SPECC1: variants seen among roughly 807,000 people sequenced by gnomAD.
SPECC1 encodes the protein cytospin-B.
A neutral mutation model predicts 104.1 loss-of-function variants in SPECC1; 62 were observed. The ratio of observed to expected loss-of-function variants is 0.60; its 90% CI spans 0.49 to 0.74. The LOEUF (loss-of-function observed/expected upper bound fraction) is 0.74. SPECC1 is among the 30% of genes least tolerant of loss of function. SPECC1 has a pLI of 0.00. For synonymous variants in SPECC1, 513 were observed against 501.6 expected, an observed-to-expected ratio of 1.02 and a Z score of -0.30; for missense variants, 1,306 against 1,310.5, an observed-to-expected ratio of 1.00 and a Z score of 0.05.
chr17:20,157,478 AATAAT>A (rs1378301034), intron 3 of SPECC1, among the ~76,000 whole-genome samples: 1 of 152,220 alleles, frequency 6.6e-6, no homozygotes, highest in African/African-American at 2.4e-5. Flanking sequence ...ATAAAATAAA[AATAAT>A]ATACTTGTTA....
At chr17:20,298,965 G>GTC (rs2041461061) in intron 13 of SPECC1, among the ~76,000 whole-genome samples, 1 of 90,840 alleles carries the variant, frequency 1.1e-5, no homozygotes, top group Non-Finnish European at 2.2e-5. Context: ...GTGTGTGTGT[G>GTC]TGTGTGTATG....
intron 1 of SPECC1, among the ~76,000 whole-genome samples, chr17:20,061,921 A>G (rs1027351798): frequency 4.6e-5 from 7 of 151,894 alleles, no homozygotes; most frequent in African/African-American, 1.7e-4. Flanking sequence ...TTTCTTACCT[A>G]TTATGTTTCA....
chr17:20,056,932 T>A (rs978326418), intron 1 of SPECC1, among the ~76,000 whole-genome samples: 1 of 152,162 alleles, frequency 6.6e-6, no homozygotes, highest in African/African-American at 2.4e-5. Flanking sequence ...CCAGAGCCCT[T>A]CCATTTCTTT....
intron 3 of SPECC1, among the ~76,000 whole-genome samples, chr17:20,163,762 T>A (rs1026200240): frequency 6.6e-6 from 1 of 152,158 alleles, no homozygotes; most frequent in Admixed American, 6.6e-5. Flanking sequence ...GGTCTTGCTA[T>A]ATTGCCCTGG....
intron 14 of SPECC1, among the ~76,000 whole-genome samples, chr17:20,312,337 C>T (rs2041954974): frequency 7.3e-6 from 1 of 136,178 alleles, no homozygotes; most frequent in Admixed American, 7.3e-5. Flanking sequence ...AAATGTATAA[C>T]ATCTTTTCAC....
At chr17:20,020,333 T>A (rs918315072) in intron 1 of SPECC1, among the ~76,000 whole-genome samples, 4 of 152,026 alleles carry the variant, frequency 2.6e-5, no homozygotes, top group Non-Finnish European at 5.9e-5. Context: ...TTCTCTGTTT[T>A]TTTATTTTTT....
chr17:20,259,526 G>A (rs1598098981), intron 11 of SPECC1, among the ~76,000 whole-genome samples: 2 of 152,060 alleles, frequency 1.3e-5, no homozygotes, highest in Admixed American at 1.3e-4. Context: ...ATTTTTTGGA[G>A]ATGGGGTCTT....
chr17:20,103,337 C>CTTAGTGCTGTCCTCAG (rs1399506770), intron 2 of SPECC1, among the ~76,000 whole-genome samples: 1 of 152,198 alleles, frequency 6.6e-6, no homozygotes, highest in Non-Finnish European at 1.5e-5. Context: ...TTCTCTGCAG[C>CTTAGTGCTGTCCTCAG]TTAGTGCTGT....
At chr17:20,309,903 C>T (rs1176169142) in intron 14 of SPECC1, among the ~76,000 whole-genome samples, 6 of 149,858 alleles carry the variant, frequency 4.0e-5, no homozygotes, top group East Asian at 4.0e-4. Flanking sequence ...CTGCAACCTC[C>T]GACTTCCGGG....
In SPECC1 at chr17:20,313,954, C is replaced by G. The variant is rs769265788; in HGVS notation, c.3118-22C>G. The G allele has an allele frequency of 8.7e-6, 14 of 1,610,626 alleles. No homozygotes were observed. The African/African-American group carries it at 1.6e-4, about 18-fold the overall frequency. ...TGTGATGTCCTGCCTTGTGATCTGT[C>G]CCCCATTCCCTTCCCCTGCAGGAAC... On this transcript the variant is annotated intron_variant, in intron 14 of 14. Transcript: ENST00000395527.
chr17:20,160,970 T>C (rs1420137095), intron 3 of SPECC1, among the ~76,000 whole-genome samples: 1 of 152,214 alleles, frequency 6.6e-6, no homozygotes, highest in Non-Finnish European at 1.5e-5. Context: ...AAGTTTACTG[T>C]AAAAGTCCTT....
intron 1 of SPECC1, among the ~76,000 whole-genome samples, chr17:20,013,626 C>T (rs1395674500): frequency 6.6e-6 from 1 of 152,150 alleles, no homozygotes; most frequent in African/African-American, 2.4e-5. Flanking sequence ...CCCAGCCTCC[C>T]GAGTAGCTGG....
At chr17:20,202,733 G>A (rs1174248443) in intron 3 of SPECC1, among the ~76,000 whole-genome samples, 1 of 152,146 alleles carries the variant, frequency 6.6e-6, no homozygotes, top group Admixed American at 6.5e-5. Flanking sequence ...GCTATTAGTA[G>A]TTAAGTTTCT....
chr17:20,092,489 A>C (rs2047443952), intron 1 of SPECC1, among the ~76,000 whole-genome samples: 1 of 152,114 alleles, frequency 6.6e-6, no homozygotes, highest in Non-Finnish European at 1.5e-5. Context: ...TCTTCCCTGC[A>C]GGTGTGTTTC....
chr17:20,014,365 C>T (rs1230171466), intron 1 of SPECC1, among the ~76,000 whole-genome samples: 5 of 152,144 alleles, frequency 3.3e-5, no homozygotes, highest in African/African-American at 9.7e-5. Context: ...GGTTTTCATA[C>T]ATTATGCATA....
At chr17:20,226,143 A>G (rs1443599501) in intron 4 of SPECC1, among the ~76,000 whole-genome samples, 4 of 152,222 alleles carry the variant, frequency 2.6e-5, no homozygotes, top group Non-Finnish European at 5.9e-5. Context: ...ACAGCTATTT[A>G]GTAATGTTAA....
intron 1 of SPECC1, among the ~76,000 whole-genome samples, chr17:20,076,888 G>C (rs868451893): frequency 6.6e-6 from 1 of 151,910 alleles, no homozygotes; most frequent in African/African-American, 2.4e-5. Flanking sequence ...GGAAAAAAGA[G>C]TAAGAAAAAC....
intron 12 of SPECC1, among the ~76,000 whole-genome samples, chr17:20,285,849 A>G (rs971239654): frequency 4.6e-5 from 6 of 130,004 alleles, no homozygotes; most frequent in South Asian, 2.3e-4. Flanking sequence ...GTCTCGCTCT[A>G]CCACCCAGGT....
intron 2 of SPECC1, among the ~76,000 whole-genome samples, chr17:20,109,995 T>A (rs1371996600): frequency 1.3e-5 from 2 of 152,004 alleles, no homozygotes; most frequent in East Asian, 3.9e-4. Context: ...GGTGTCACCA[T>A]GCCCAGCTAA....
Sources: gnomAD v4.1 joint callset for allele counts (sites outside exome capture counted in the v4.1 genomes callset) on GRCh38, gnomAD v4.1.1 for gene constraint, MANE v1.5 for transcripts, NCBI Gene and HGNC (gene_info 2026-07-23, HGNC 2026-07-21) for gene names.